DLGAP2: variants seen among roughly 807,000 people sequenced by gnomAD.
DLGAP2 encodes DLG associated protein 2, also known as disks large-associated protein 2.
Under a neutral mutation model 100.3 loss-of-function variants are expected in DLGAP2, and 26 were observed. The ratio of observed to expected loss-of-function variants is 0.26; its 90% CI spans 0.19 to 0.36. The LOEUF (loss-of-function observed/expected upper bound fraction) is 0.36, where lower values mean the gene tolerates loss of function less well. Ranked by LOEUF, DLGAP2 falls within the 10% of genes least tolerant of loss-of-function variation. The probability of loss-of-function intolerance (pLI) is 1.00; values close to 1 mark genes in which losing one functional copy is unlikely to be tolerated. For synonymous variants in DLGAP2, 886 were observed against 630.1 expected, an observed-to-expected ratio of 1.41 and a Z score of -6.08; for missense variants, 1,858 against 1,453.2, an observed-to-expected ratio of 1.28 and a Z score of -4.53.
intron 2 of DLGAP2, among the ~76,000 whole-genome samples, chr8:1,226,880 C>T (rs746705332): frequency 6.6e-6 from 1 of 151,876 alleles, no homozygotes; most frequent in Admixed American, 6.6e-5. Flanking sequence ...AATGTTAGTG[C>T]AGAGAAAAGG....
At chr8:1,455,275 C>T (rs1798278290) in intron 3 of DLGAP2, among the ~76,000 whole-genome samples, 1 of 152,256 alleles carries the variant, frequency 6.6e-6, no homozygotes, top group African/African-American at 2.4e-5. Flanking sequence ...ATCTCAGGCA[C>T]TGATTCTCAT....
intron 3 of DLGAP2, among the ~76,000 whole-genome samples, chr8:1,372,097 G>A (rs973360288): frequency 6.6e-6 from 1 of 152,216 alleles, no homozygotes; most frequent in Admixed American, 6.5e-5. Flanking sequence ...GTGGGCAGCT[G>A]GGGACAGCTC....
At chr8:986,683 A>G (rs900201415) in intron 2 of DLGAP2, among the ~76,000 whole-genome samples, 9 of 149,132 alleles carry the variant, frequency 6.0e-5, no homozygotes, top group East Asian at 2.0e-4. Context: ...TTTTTGAGAC[A>G]GAGTCTCACT....
intron 2 of DLGAP2, among the ~76,000 whole-genome samples, chr8:1,178,909 C>G (rs1797319904): frequency 6.6e-6 from 1 of 152,174 alleles, no homozygotes; most frequent in Non-Finnish European, 1.5e-5. Context: ...ACACCATTGC[C>G]CCTTCAGCCT....
At chr8:818,489 C>A (rs184309891) in intron 1 of DLGAP2, among the ~76,000 whole-genome samples, 9 of 152,306 alleles carry the variant, frequency 5.9e-5, no homozygotes, top group Non-Finnish European at 1.5e-5. Context: ...TTTCAGGGAG[C>A]CTGCAGCACT....
chr8:1,639,364 G>GGC (rs531428806), intron 8 of DLGAP2, among the ~76,000 whole-genome samples: 18 of 152,308 alleles, frequency 1.2e-4, no homozygotes, highest in South Asian at 8.3e-4. Flanking sequence ...TGGGAACAGA[G>GGC]GCTGTCCCTG....
intron 4 of DLGAP2, among the ~76,000 whole-genome samples, chr8:1,539,874 C>A (rs1801298986): frequency 7.5e-6 from 1 of 133,244 alleles, no homozygotes; most frequent in African/African-American, 3.4e-5. Flanking sequence ...CTGCCTTCTT[C>A]CTGTGCCCCC....
intron 3 of DLGAP2, among the ~76,000 whole-genome samples, chr8:1,294,574 G>A (rs2116976877): frequency 6.6e-6 from 1 of 152,270 alleles, no homozygotes. Context: ...CCTGTGTCGT[G>A]GCATCACTGG....
At chr8:1,465,503 G>T (rs994480596) in intron 3 of DLGAP2, among the ~76,000 whole-genome samples, 1 of 152,128 alleles carries the variant, frequency 6.6e-6, no homozygotes, top group Non-Finnish European at 1.5e-5. Flanking sequence ...CCCATGTTTG[G>T]TGGTTTATTA....
chr8:1,269,693 G>C (rs984828254), intron 3 of DLGAP2, among the ~76,000 whole-genome samples: 6 of 152,028 alleles, frequency 3.9e-5, no homozygotes, highest in Non-Finnish European at 8.8e-5. Flanking sequence ...TAGAATGACT[G>C]TGCACCCCCC....
intron 3 of DLGAP2, among the ~76,000 whole-genome samples, chr8:1,287,486 G>GTGTGTGTGTGTA (rs1799954341): frequency 1.9e-5 from 1 of 53,014 alleles, no homozygotes. Flanking sequence ...GTGTGTGTGT[G>GTGTGTGTGTGTA]TGTGTGTGTG....
chr8:1,531,693 G>C (rs962320879), intron 4 of DLGAP2, among the ~76,000 whole-genome samples: 6 of 151,970 alleles, frequency 3.9e-5, no homozygotes, highest in African/African-American at 1.5e-4. Context: ...ATTCTCTTTT[G>C]ATTTTGAAAT....
chr8:1,256,460 C>T (rs73533763), intron 2 of DLGAP2, among the ~76,000 whole-genome samples: 1,591 of 90,790 alleles, frequency 0.018, 26 homozygotes, highest in African/African-American at 0.061. Context: ...AGGTGCTGTG[C>T]GTGTCCTCTC....
chr8:902,624 C>CG (rs1433621770), intron 1 of DLGAP2, among the ~76,000 whole-genome samples: 1 of 11,180 alleles, frequency 8.9e-5, no homozygotes, highest in Non-Finnish European at 1.6e-4. Flanking sequence ...TGCCAGGGGT[C>CG]GGGGGTGGAA....
At chr8:1,697,091 A>G in intron 13 of DLGAP2, 56 bp from the exon 14 acceptor site, 4 of 1,460,212 alleles carry the variant, frequency 2.7e-6, no homozygotes, top group East Asian at 2.5e-5. Flanking sequence ...TGGCCTCCCC[A>G]GCCCTGTGCC....
chr8:1,124,954 G>T (rs1463739428), intron 2 of DLGAP2, among the ~76,000 whole-genome samples: 4 of 152,050 alleles, frequency 2.6e-5, no homozygotes, highest in Non-Finnish European at 1.5e-5. Flanking sequence ...CCCCCTCATC[G>T]CTGACTGTCC....
intron 3 of DLGAP2, among the ~76,000 whole-genome samples, chr8:1,288,217 G>GTGGTTCT (rs1799984337): frequency 1.0e-5 from 1 of 98,358 alleles, no homozygotes; most frequent in Non-Finnish European, 2.0e-5. Flanking sequence ...GTGTGTGTGT[G>GTGGTTCT]GTTAGGAGGG....
chr8:818,149 G>T (rs921688816), intron 1 of DLGAP2, among the ~76,000 whole-genome samples: 70 of 152,304 alleles, frequency 4.6e-4, no homozygotes, highest in African/African-American at 1.7e-3. Context: ...TCTGAGCTCA[G>T]ACTCTCCTTG....
At chr8:1,176,716 G>A (rs180750810) in intron 2 of DLGAP2, among the ~76,000 whole-genome samples, 1 of 152,150 alleles carries the variant, frequency 6.6e-6, no homozygotes, top group Admixed American at 6.6e-5. Flanking sequence ...CATGCTGCCT[G>A]TTGTGCACTC....
Sources: gnomAD v4.1 joint callset for allele counts (sites outside exome capture counted in the v4.1 genomes callset) on GRCh38, gnomAD v4.1.1 for gene constraint, MANE v1.5 for transcripts, NCBI Gene and HGNC (gene_info 2026-07-23, HGNC 2026-07-21) for gene names.